Variants in DGKH observed in about 807,000 individuals in gnomAD.
The protein encoded by DGKH is diacylglycerol kinase eta, also known as DAG kinase eta.
In DGKH, 90 loss-of-function variants were observed where a neutral mutation model predicts 159.3. That is an observed-to-expected ratio of 0.57 (90% CI 0.48 to 0.67). DGKH has a LOEUF of 0.67. DGKH is among the 30% of genes least tolerant of loss of function. The probability of loss-of-function intolerance (pLI) is 0.00; values close to 1 mark genes in which losing one functional copy is unlikely to be tolerated. For missense variants in DGKH, 1,181 were observed against 1,506.1 expected (o/e 0.78, Z 3.57); for synonymous variants, 536 against 553.8 (o/e 0.97, Z 0.45).
At chr13:42,208,380 T>G (rs935560209) in intron 21 of DGKH, among the ~76,000 whole-genome samples, 17 of 152,132 alleles carry the variant, frequency 1.1e-4, no homozygotes, top group African/African-American at 4.1e-4. Flanking sequence ...GTCTGCATAA[T>G]TTTTATCTTC....
intron 16 of DGKH, among the ~76,000 whole-genome samples, chr13:42,192,542 T>TCTC (rs958123515): frequency 9.2e-5 from 14 of 151,620 alleles, no homozygotes; most frequent in Non-Finnish European, 1.3e-4. Context: ...TCCTCTTCCT[T>TCTC]CTCCTCCTCC....
intron 1 of DGKH, among the ~76,000 whole-genome samples, chr13:42,115,453 C>A (rs796284711): frequency 7.9e-5 from 12 of 152,110 alleles, no homozygotes; most frequent in African/African-American, 2.9e-4. Flanking sequence ...ATGATTAATG[C>A]TATAAATAAT....
chr13:42,082,395 G>T (rs1263032998), intron 1 of DGKH, among the ~76,000 whole-genome samples: 1 of 151,938 alleles, frequency 6.6e-6, no homozygotes, highest in Non-Finnish European at 1.5e-5. Context: ...ATGTCCTTAG[G>T]ATTTTCATAT....
intron 1 of DGKH, among the ~76,000 whole-genome samples, chr13:42,057,374 A>G (rs1485933490): frequency 6.6e-6 from 1 of 152,224 alleles, no homozygotes; most frequent in Non-Finnish European, 1.5e-5. Flanking sequence ...TATGTAGGTA[A>G]GAAAAAGTGC....
At chr13:42,124,464 A>G (rs1306094080) in intron 1 of DGKH, among the ~76,000 whole-genome samples, 1 of 152,214 alleles carries the variant, frequency 6.6e-6, no homozygotes, top group Non-Finnish European at 1.5e-5. Context: ...GTCAGTGTGA[A>G]TTGCTGGTAC....
intron 1 of DGKH, among the ~76,000 whole-genome samples, chr13:42,099,512 G>T (rs566434844): frequency 6.6e-6 from 1 of 152,326 alleles, no homozygotes; most frequent in African/African-American, 2.4e-5. Context: ...TGAGAGAGCA[G>T]GGGGTATTTG....
chr13:42,114,962 G>T (rs1471893103), intron 1 of DGKH, among the ~76,000 whole-genome samples: 1 of 152,196 alleles, frequency 6.6e-6, no homozygotes, highest in Non-Finnish European at 1.5e-5. Flanking sequence ...GTTTACAGGA[G>T]ATATTTGCTT....
In DGKH at chr13:42,124,056, A is replaced by T. The variant is rs148532340; in HGVS notation, c.193-3407A>T. Among the ~76,000 whole-genome samples, 190 of 152,084 alleles carry T rather than the reference A, an allele frequency of 1.2e-3. 1 individual carries two copies. Among genetic ancestry groups the T allele is most frequent in the African/African-American group, 4.4e-3 (184 of 41,488 alleles). On this transcript the variant is annotated intron_variant, in intron 1 of 29. Coordinates refer to ENST00000337343, the MANE Select transcript of DGKH (RefSeq NM_178009.5). ...TCATGATATCTCAATAAAGTTGTAA[A>T]TTTTTTTTCCTGTAATGTTGCTTCC...
At chr13:42,065,579 C>T (rs575042323) in intron 1 of DGKH, among the ~76,000 whole-genome samples, 1 of 152,210 alleles carries the variant, frequency 6.6e-6, no homozygotes, top group East Asian at 1.9e-4. Flanking sequence ...CTTAAGGCCC[C>T]AGGGTGTGTG....
chr13:42,160,007 A>G lies in DGKH; in HGVS notation c.730-4A>G. 6.2e-7 allele frequency: 1 copy of G among 1,614,126 alleles called. No individual in the cohort carries two copies. The highest frequency in any genetic ancestry group is 2.2e-5 in the East Asian group (1 of 44,884). On this transcript the variant is annotated splice_polypyrimidine_tract_variant and splice_region_variant and intron_variant, in intron 6 of 29. Transcript: ENST00000337343. ...CCTGGCTGCCCTTTCTTCCTTCTCC[A>G]CAGGTCGCGATGCCTCACCAGTGGC...
At chr13:42,130,196 T>A (rs28594524) in intron 3 of DGKH, among the ~76,000 whole-genome samples, 3 of 152,192 alleles carry the variant, frequency 2.0e-5, no homozygotes, top group African/African-American at 7.2e-5. Flanking sequence ...AGATCATGCC[T>A]CAGCATTCTA....
At chr13:42,040,457 AG>A (rs1249828101) in intron 1 of DGKH, among the ~76,000 whole-genome samples, 1 of 150,052 alleles carries the variant, frequency 6.7e-6, no homozygotes, top group East Asian at 2.0e-4. Flanking sequence ...AAGGCCTGAC[AG>A]GGGGGTCACG....
chr13:42,093,012 G>C (rs763299610), intron 1 of DGKH, among the ~76,000 whole-genome samples: 10 of 152,112 alleles, frequency 6.6e-5, no homozygotes, highest in Non-Finnish European at 1.3e-4. Flanking sequence ...GGGAGGCCGA[G>C]GTGGGCAGAT....
intron 1 of DGKH, among the ~76,000 whole-genome samples, chr13:42,087,459 ATAGAAAAGGGGT>A (rs1407734227): frequency 2.6e-5 from 4 of 152,196 alleles, no homozygotes; most frequent in African/African-American, 9.7e-5. Flanking sequence ...AATGTAACCA[ATAGAAAAGGGGT>A]TAGAAATGAA....
intron 29 of DGKH, chr13:42,225,345 T>G: frequency 1.3e-6 from 2 of 1,574,982 alleles, no homozygotes; most frequent in South Asian, 1.2e-5. Context: ...ATGGTGAGAG[T>G]TTTTTGTTTA....
At chr13:42,113,044 GGCTAGCCCTGAAGA>G (rs764392199) in intron 1 of DGKH, among the ~76,000 whole-genome samples, 9 of 152,116 alleles carry the variant, frequency 5.9e-5, no homozygotes, top group Non-Finnish European at 1.2e-4. Context: ...TCTTGTGGGT[GGCTAGCCCTGAAGA>G]GCTACAGTGA....
At chr13:42,122,344 GA>G (rs1955090394) in intron 1 of DGKH, among the ~76,000 whole-genome samples, 2 of 152,180 alleles carry the variant, frequency 1.3e-5, no homozygotes, top group Non-Finnish European at 2.9e-5. Context: ...CTGGAGGCTG[GA>G]AAGTCCAAGG....
chr13:42,129,444 C>T (rs1181435948), intron 2 of DGKH, 108 bp from the exon 3 acceptor site: 1 of 943,476 alleles, frequency 1.1e-6, no homozygotes, highest in East Asian at 2.7e-5. Context: ...ACCAACTTAA[C>T]TTTTTTCCCC....
chr13:42,217,063 G>A (rs1469803144), intron 26 of DGKH, among the ~76,000 whole-genome samples: 1 of 152,078 alleles, frequency 6.6e-6, no homozygotes, highest in Non-Finnish European at 1.5e-5. Context: ...TTTAAAATGT[G>A]TACTGGTGAA....
Sources: allele counts gnomAD v4.1 joint callset (sites outside exome capture counted in the v4.1 genomes callset), GRCh38; gene constraint gnomAD v4.1.1; transcripts MANE v1.5; gene names NCBI Gene and HGNC (gene_info 2026-07-23, HGNC 2026-07-21).